The following ASTN2 variants were observed in gnomAD, a reference collection of about 807,000 sequenced individuals.
ASTN2 encodes the protein astrotactin 2, also known as astrotactin-2.
In ASTN2, 54 loss-of-function variants were observed where a neutral mutation model predicts 139.8. That is an observed-to-expected ratio of 0.39 (90% confidence interval 0.31 to 0.48). ASTN2 has a LOEUF of 0.48. Among genes scored for constraint, ASTN2 ranks in the 20% least tolerant of loss-of-function variants. The pLI is 0.95. For missense variants in ASTN2, 1,565 were observed against 1,725.1 expected (o/e 0.91, Z 1.64); for synonymous variants, 756 against 719.5 (o/e 1.05, Z -0.81).
intron 20 of ASTN2, among the ~76,000 whole-genome samples, chr9:116,456,490 A>C (rs1038721538): frequency 6.6e-6 from 1 of 152,206 alleles, no homozygotes; most frequent in Non-Finnish European, 1.5e-5. Flanking sequence ...GTCCATTTTC[A>C]TGCTGCTGAT....
At chr9:116,913,545 G>A (rs184164216) in intron 10 of ASTN2, among the ~76,000 whole-genome samples, 71 of 152,304 alleles carry the variant, frequency 4.7e-4, no homozygotes, top group African/African-American at 1.5e-3. Flanking sequence ...TGGGCATGCT[G>A]CAGCCTTTTC....
intron 10 of ASTN2, among the ~76,000 whole-genome samples, chr9:116,954,140 T>A (rs1268436202): frequency 1.3e-5 from 2 of 152,198 alleles, no homozygotes; most frequent in Non-Finnish European, 2.9e-5. Flanking sequence ...TTTATTTCAT[T>A]TCTGAAAACA....
intron 13 of ASTN2, among the ~76,000 whole-genome samples, chr9:116,781,114 A>C (rs1830208737): frequency 1.3e-5 from 2 of 152,156 alleles, no homozygotes; most frequent in African/African-American, 4.8e-5. Context: ...TGTTGGGATT[A>C]CATGAGCCAC....
At chr9:116,667,622 C>T (rs1482892687) in intron 16 of ASTN2, among the ~76,000 whole-genome samples, 1 of 152,096 alleles carries the variant, frequency 6.6e-6, no homozygotes, top group African/African-American at 2.4e-5. Flanking sequence ...TGCCAGATTA[C>T]ACAAAATTGA....
At chr9:117,298,253 T>C (rs1834783807) in intron 1 of ASTN2, among the ~76,000 whole-genome samples, 1 of 152,214 alleles carries the variant, frequency 6.6e-6, no homozygotes, top group Non-Finnish European at 1.5e-5. Flanking sequence ...AAATATTAAT[T>C]CTCACCAGAT....
At chr9:116,433,162 A>G (rs1460577010) in intron 22 of ASTN2, among the ~76,000 whole-genome samples, 2 of 152,246 alleles carry the variant, frequency 1.3e-5, no homozygotes, top group Non-Finnish European at 2.9e-5. Flanking sequence ...AATAACAAAG[A>G]AACTGTAAGA....
chr9:117,308,632 A>C (rs1214442867), intron 1 of ASTN2, among the ~76,000 whole-genome samples: 1 of 152,184 alleles, frequency 6.6e-6, no homozygotes, highest in Non-Finnish European at 1.5e-5. Context: ...ATCAAGGAAC[A>C]GGGACCTGGA....
chr9:116,938,560 C>T (rs1018640678), intron 10 of ASTN2, among the ~76,000 whole-genome samples: 1 of 152,136 alleles, frequency 6.6e-6, no homozygotes, highest in Admixed American at 6.6e-5. Context: ...CCCCCCACTC[C>T]AAAGCAGTGC....
At chr9:116,988,688 T>C (rs557531294) in intron 7 of ASTN2, among the ~76,000 whole-genome samples, 1 of 152,108 alleles carries the variant, frequency 6.6e-6, no homozygotes, top group Non-Finnish European at 1.5e-5. Flanking sequence ...TCACCTCAAC[T>C]GTACCATATA....
chr9:117,225,312 G>A (rs534413927), intron 2 of ASTN2, among the ~76,000 whole-genome samples: 1 of 151,694 alleles, frequency 6.6e-6, no homozygotes, highest in Non-Finnish European at 1.5e-5. Context: ...TCCTCAGGTG[G>A]CCTCTCAAGT....
intron 2 of ASTN2, among the ~76,000 whole-genome samples, chr9:117,276,725 G>A (rs927270899): frequency 3.3e-5 from 5 of 152,102 alleles, no homozygotes; most frequent in African/African-American, 9.7e-5. Context: ...GGGAGAGGGG[G>A]ATGAGATAAG....
chr9:116,699,337 G>T lies in ASTN2; in HGVS notation c.2806+26434C>A. The stretch of plus-strand genomic sequence containing the variant: ...GAGGGCACCGTCTACTTCACCCAGG[G>T]CTTAGGCCTCAATCTGGAGAATCGG... On this transcript the variant is annotated intron_variant, in intron 16 of 22. Transcript: ENST00000313400. The surrounding 1 kb of genome is among the most constrained non-coding windows in gnomAD (Gnocchi z 4.2). 6.2e-7 allele frequency: 1 copy of T among 1,614,180 alleles called. No individual in the cohort carries two copies. The highest frequency in any genetic ancestry group is 8.5e-7 in the Non-Finnish European group (1 of 1,180,030).
At chr9:117,275,134 A>AT (rs1277242029) in intron 2 of ASTN2, among the ~76,000 whole-genome samples, 2 of 152,114 alleles carry the variant, frequency 1.3e-5, no homozygotes, top group Non-Finnish European at 2.9e-5. Context: ...CATCTTCCTC[A>AT]TTTCCATCAG....
In ASTN2 at chr9:116,425,458, A is replaced by T; in HGVS notation, c.*393T>A. The T allele has an allele frequency of 9.1e-7, 1 of 1,096,672 alleles. No individual in the cohort carries two copies. The highest frequency in any genetic ancestry group is 1.4e-6 in the Non-Finnish European group (1 of 737,366). 67.9% of individuals were successfully genotyped at this position (1,096,672 alleles called of 1,614,324 possible). On this transcript the variant is annotated 3_prime_UTR_variant, in exon 23 of 23. Coordinates refer to ENST00000313400, the MANE Select transcript of ASTN2 (RefSeq NM_001365068.1). Reference sequence around the variant, plus strand: ...GGGGTCAGGTCAAAACTGTCCCTCCATAGGTCTCCTCCAGGGGTCCATGGC... The same window carrying T: ...GGGGTCAGGTCAAAACTGTCCCTCCTTAGGTCTCCTCCAGGGGTCCATGGC...
chr9:116,470,520 GATA>G (rs1848780991), intron 20 of ASTN2, among the ~76,000 whole-genome samples: 1 of 152,102 alleles, frequency 6.6e-6, no homozygotes. Flanking sequence ...GCAAAATAGT[GATA>G]ATAAAAAAAC....
chr9:117,302,013 G>T lies in ASTN2; in HGVS notation c.443-10500C>A, dbSNP rs1834887536. On this transcript the variant is annotated intron_variant, in intron 1 of 22. Coordinates refer to ENST00000313400, the MANE Select transcript of ASTN2 (RefSeq NM_001365068.1). ...TAGCCTATGGAACTCCCTGTCAGTTGTCTGTCTTCTCGTCACTCTTTTCTA... is the reference window on the plus strand; with the variant it reads ...TAGCCTATGGAACTCCCTGTCAGTTTTCTGTCTTCTCGTCACTCTTTTCTA... Among the ~76,000 whole-genome samples, 2 of 131,760 alleles carry T rather than the reference G, an allele frequency of 1.5e-5. 1 individual carries two copies. Among genetic ancestry groups the T allele is most frequent in the South Asian group, 4.9e-4 (2 of 4,090 alleles). The allele number at this position is 131,760 out of a possible 152,430, so 86.4% of individuals were successfully genotyped here.
intron 4 of ASTN2, among the ~76,000 whole-genome samples, chr9:117,099,121 A>G (rs1828910960): frequency 6.6e-6 from 1 of 151,878 alleles, no homozygotes; most frequent in South Asian, 2.1e-4. Flanking sequence ...AAAAAAAAAA[A>G]AAGGAGGGAG....
At chr9:116,760,595 C>G (rs927962130) in intron 13 of ASTN2, among the ~76,000 whole-genome samples, 3 of 152,160 alleles carry the variant, frequency 2.0e-5, no homozygotes, top group Non-Finnish European at 4.4e-5. Flanking sequence ...CTTTGGGAAG[C>G]AAACCTGGTA....
At chr9:116,844,129 A>G (rs1222483864) in intron 11 of ASTN2, among the ~76,000 whole-genome samples, 1 of 152,188 alleles carries the variant, frequency 6.6e-6, no homozygotes, top group South Asian at 2.1e-4. Context: ...CTGTTCTAAA[A>G]TAGACTCAAT....
Sources: allele counts gnomAD v4.1 joint callset (sites outside exome capture counted in the v4.1 genomes callset), GRCh38; gene constraint gnomAD v4.1.1; non-coding constraint Gnocchi (gnomAD v3.1); transcripts MANE v1.5; gene names NCBI Gene and HGNC (gene_info 2026-07-23, HGNC 2026-07-21).